Variants in RMND1 observed in about 807,000 individuals in gnomAD.
RMND1 encodes required for meiotic nuclear division protein 1 homolog.
A neutral mutation model predicts 54.0 loss-of-function variants in RMND1; 41 were observed. The observed-to-expected ratio is 0.76, with a 90% CI of 0.59 to 0.98. RMND1 has a LOEUF of 0.98. Among genes scored for constraint, RMND1 ranks in the 50% least tolerant of loss-of-function variants. The pLI is 0.00. For synonymous variants in RMND1, 183 were observed against 181.7 expected, an observed-to-expected ratio of 1.01 and a Z score of -0.06; for missense variants, 457 against 532.0, an observed-to-expected ratio of 0.86 and a Z score of 1.39.
rs779255755 is a variant in RMND1, at chr6:151,421,265, G to A, written c.1059C>T (p.Ile353=). The A allele has an allele frequency of 7.0e-5, 112 of 1,610,876 alleles. No homozygotes were observed. Among genetic ancestry groups the A allele is most frequent in the Non-Finnish European group, 8.9e-5 (105 of 1,178,028 alleles). The change falls in exon 9 of 12, where the codon ATC becomes ATT. Residue 353 remains isoleucine (I), a synonymous_variant. Transcript: ENST00000444024. ...KLSHEEVMQK[I]GELFALRHRI... is the part of the protein sequence containing the mutation. ...TTTACCTTAGAGCAAAGAGTTCACC[G>A]ATTTTCTGCATAACTTCTTCATGAG...
chr6:151,440,628 T>A (rs1027853026), intron 2 of RMND1, among the ~76,000 whole-genome samples: 2 of 152,358 alleles, frequency 1.3e-5, no homozygotes, highest in Middle Eastern at 3.4e-3. Flanking sequence ...CTATCCAATG[T>A]CACTCAGCTT....
intron 9 of RMND1, among the ~76,000 whole-genome samples, chr6:151,419,424 G>A (rs1780094498): frequency 6.6e-6 from 1 of 151,894 alleles, no homozygotes; most frequent in Admixed American, 6.6e-5. Context: ...ATAAACTGAT[G>A]TGGTGGCTCA....
chr6:151,426,774 CCT>C (rs954940983), intron 6 of RMND1, among the ~76,000 whole-genome samples: 19 of 151,798 alleles, frequency 1.3e-4, no homozygotes, highest in Non-Finnish European at 2.6e-4. Context: ...TAATCTTTTT[CCT>C]CTTTTTTTTT....
At chr6:151,427,375 CAAAAA>C in intron 6 of RMND1, 102 bp downstream of exon 6, 2 of 478,770 alleles carry the variant, frequency 4.2e-6, no homozygotes, top group Non-Finnish European at 3.6e-6. Flanking sequence ...GACTCCGTCT[CAAAAA>C]AAAAAAAAAA....
chr6:151,445,261 T>G (rs1441736665), intron 2 of RMND1, 47 bp downstream of exon 2: 1 of 1,555,734 alleles, frequency 6.4e-7, no homozygotes, highest in Non-Finnish European at 8.7e-7. Flanking sequence ...TGGTTTAGCA[T>G]GAGCAATGAT....
chr6:151,405,386 T>C, intron 11 of RMND1, 119 bp from the exon 12 acceptor site: 1 of 923,666 alleles, frequency 1.1e-6, no homozygotes, highest in Admixed American at 2.2e-5. Context: ...GTTTGCCCTT[T>C]CTCACGTGGC....
intron 10 of RMND1, among the ~76,000 whole-genome samples, chr6:151,406,219 T>C (rs1158473081): frequency 6.6e-6 from 1 of 152,196 alleles, no homozygotes; most frequent in East Asian, 1.9e-4. Flanking sequence ...TTTGACCTGC[T>C]GTACACACAC....
At chr6:151,443,010 C>T (rs183528991) in intron 2 of RMND1, among the ~76,000 whole-genome samples, 1 of 152,206 alleles carries the variant, frequency 6.6e-6, no homozygotes, top group Admixed American at 6.5e-5. Flanking sequence ...GAGCTGGGTG[C>T]AACTATGGGA....
Position 151,427,595 on chromosome 6 carries a change from G to A in RMND1, c.730-13C>T, listed in dbSNP as rs760931274. 3 of 1,545,674 alleles carry A rather than the reference G, an allele frequency of 1.9e-6. No homozygotes were observed. The highest frequency in any genetic ancestry group is 2.3e-5 in the East Asian group (1 of 44,378). On this transcript the variant is annotated splice_polypyrimidine_tract_variant and intron_variant, in intron 5 of 11. Coordinates refer to ENST00000444024, the MANE Select transcript of RMND1 (RefSeq NM_017909.4). ...TCACATGCTTCATCTAGAAGAAAAG[G>A]AAGATTAATCTGAAATCATAACTGA... is the stretch of plus-strand genomic sequence containing the variant.
intron 2 of RMND1, among the ~76,000 whole-genome samples, chr6:151,440,438 C>G (rs982484043): frequency 5.9e-5 from 9 of 152,222 alleles, no homozygotes; most frequent in African/African-American, 2.2e-4. Flanking sequence ...AAGGACAGGA[C>G]AAGTCAATCA....
At chr6:151,450,208 GTC>G (rs1413906687) in intron 1 of RMND1, among the ~76,000 whole-genome samples, 2 of 150,724 alleles carry the variant, frequency 1.3e-5, no homozygotes, top group Non-Finnish European at 3.0e-5. Context: ...AGTGAGGGGA[GTC>G]TCTGCCCGGC....
rs748092068 is a variant in RMND1 at position 151,430,142 on chromosome 6, T to G, written c.725A>C (p.Lys242Thr). 6.3e-7 allele frequency: 1 copy of G among 1,598,902 alleles called. No individual in the cohort carries two copies. ...CACATTTTTATTTACACTTACAGTT[T>G]TGTCTTTCACATTCCAAAACACAGC... is the stretch of plus-strand genomic sequence containing the variant. ...GAAVFWNVKD[K>T]TMKHVMKVLE... The change falls in exon 5 of 12, where the codon AAA (lysine) becomes ACA (threonine). Residue 242 changes from lysine to threonine, a missense_variant. Coordinates refer to ENST00000444024, the MANE Select transcript of RMND1 (RefSeq NM_017909.4).
At chr6:151,445,241 C>T in intron 2 of RMND1, 67 bp downstream of exon 2, 1 of 1,510,314 alleles carries the variant, frequency 6.6e-7, no homozygotes, top group Non-Finnish European at 8.9e-7. Context: ...GGCTGGGGTG[C>T]AACGCACACT....
rs1158732817 is a variant in RMND1, at chr6:151,445,559, C to T, written c.253G>A (p.Ala85Thr). 6.2e-7 allele frequency: 1 copy of T among 1,614,100 alleles called. No homozygotes were observed. Residue 85 changes from alanine to threonine, a missense_variant, in exon 2 of 12, where the codon GCT becomes ACT. Physicochemically the swap from Ala to Thr is moderately conservative, Grantham distance 58 (BLOSUM62 0). Coordinates refer to ENST00000444024, the MANE Select transcript of RMND1 (RefSeq NM_017909.4). ...SDTSMLSPLN[A>T]ARCQDEKAHL... ...GCCTTTTCATCTTGGCAACGAGCAG[C>T]ATTTAATGGAGACAGCATGCTGGTA...
intron 4 of RMND1, among the ~76,000 whole-genome samples, chr6:151,432,276 G>GAGTC (rs767819731): frequency 5.9e-5 from 9 of 152,096 alleles, no homozygotes; most frequent in Non-Finnish European, 1.0e-4. Flanking sequence ...TGCTGATGTA[G>GAGTC]AGTCCCTCAC....
chr6:151,448,565 C>A (rs1345927855), intron 1 of RMND1, among the ~76,000 whole-genome samples: 1 of 152,158 alleles, frequency 6.6e-6, no homozygotes, highest in Admixed American at 6.6e-5. Flanking sequence ...TCCAACTTCT[C>A]AGTAAATCCC....
chr6:151,407,097 T>A (rs911813912), intron 10 of RMND1, among the ~76,000 whole-genome samples: 1 of 151,998 alleles, frequency 6.6e-6, no homozygotes, highest in Admixed American at 6.6e-5. Flanking sequence ...AAGGCTGCAA[T>A]GAGCCAAGAT....
Position 151,445,479 on chromosome 6 carries a change from T to C in RMND1, c.333A>G (p.Pro111=). 1 of 1,614,224 alleles carries C rather than the reference T, an allele frequency of 6.2e-7. No individual in the cohort carries two copies. Among genetic ancestry groups the C allele is most frequent in the Non-Finnish European group, 8.5e-7 (1 of 1,180,038 alleles). ...FGTHRRVTHK[P]NLLGSKWFIK... The stretch of plus-strand genomic sequence containing the variant: ...TAAACCATTTAGAACCCAACAGATT[T>C]GGTTTGTGGGTCACTCTCCTGTGAG... Residue 111 remains proline, a synonymous_variant, in exon 2 of 12, where the codon CCA becomes CCG. Transcript: ENST00000444024.
At chr6:151,447,250 TC>T (rs1780982025) in intron 1 of RMND1, among the ~76,000 whole-genome samples, 1 of 152,072 alleles carries the variant, frequency 6.6e-6, no homozygotes, top group Non-Finnish European at 1.5e-5. Context: ...TATAAAGTCA[TC>T]CTAAAAAGTT....
Sources: allele counts gnomAD v4.1 joint callset (sites outside exome capture counted in the v4.1 genomes callset), GRCh38; gene constraint gnomAD v4.1.1; transcripts MANE v1.5; gene names NCBI Gene and HGNC (gene_info 2026-07-23, HGNC 2026-07-21).